Variants in GPHN observed in about 807,000 individuals in gnomAD.
GPHN encodes gephyrin.
In GPHN, 17 loss-of-function variants were observed where a neutral mutation model predicts 95.5. The observed-to-expected ratio is 0.18, with a 90% confidence interval of 0.12 to 0.27. The LOEUF is 0.27. Ranked by LOEUF, GPHN falls within the 10% of genes least tolerant of loss-of-function variation. GPHN has a pLI of 1.00. For missense variants in GPHN, 660 were observed against 978.1 expected (o/e 0.67, Z 4.34); for synonymous variants, 320 against 322.5 (o/e 0.99, Z 0.08).
intron 1 of GPHN, among the ~76,000 whole-genome samples, chr14:66,520,898 CTTCT>C (rs1295041180): frequency 6.6e-6 from 1 of 151,990 alleles, no homozygotes; most frequent in Non-Finnish European, 1.5e-5. Context: ...CTGTCGTTCC[CTTCT>C]TTGTGTCCAT....
intron 12 of GPHN, among the ~76,000 whole-genome samples, chr14:67,097,859 G>A (rs1172592485): frequency 6.6e-6 from 1 of 152,000 alleles, no homozygotes; most frequent in Admixed American, 6.5e-5. Context: ...AAAAGCCAAT[G>A]ATATACACAC....
intron 17 of GPHN, among the ~76,000 whole-genome samples, chr14:67,135,223 G>A (rs2080002007): frequency 6.6e-6 from 1 of 152,040 alleles, no homozygotes; most frequent in Non-Finnish European, 1.5e-5. Context: ...GCCTCCCAAA[G>A]TGCTGGGATT....
At chr14:67,144,874 A>T (rs1445739273) in intron 18 of GPHN, among the ~76,000 whole-genome samples, 1 of 152,212 alleles carries the variant, frequency 6.6e-6, no homozygotes, top group Non-Finnish European at 1.5e-5. Flanking sequence ...GAAGAAAAAA[A>T]TCTCACATTA....
the GPHN span, among the ~76,000 whole-genome samples, chr14:67,659,172 C>G: frequency 2.0e-5 from 3 of 152,236 alleles, no homozygotes; most frequent in African/African-American, 7.2e-5. Context: ...TGCTCACTTT[C>G]TATTACCACA....
At chr14:66,519,353 T>TA (rs1206076689) in intron 1 of GPHN, among the ~76,000 whole-genome samples, 2 of 152,058 alleles carry the variant, frequency 1.3e-5, no homozygotes, top group Non-Finnish European at 2.9e-5. Context: ...ATATATTTGA[T>TA]ATATTTGAAT....
chr14:66,837,110 T>C (rs377196624), intron 4 of GPHN, among the ~76,000 whole-genome samples: 2 of 151,282 alleles, frequency 1.3e-5, no homozygotes, highest in East Asian at 2.0e-4. Context: ...ACCCAAAGGA[T>C]TATAAATCAT....
chr14:67,396,090 A>G, the GPHN span, among the ~76,000 whole-genome samples: 88 of 152,050 alleles, frequency 5.8e-4, 1 homozygote, highest in African/African-American at 2.1e-3. Context: ...CACATTTCTC[A>G]TAGGATATAG....
chr14:67,468,073 A>G, the GPHN span, among the ~76,000 whole-genome samples: 1 of 152,000 alleles, frequency 6.6e-6, no homozygotes, highest in Non-Finnish European at 1.5e-5. Flanking sequence ...TCCTGGGTTC[A>G]AGCGATTGTC....
intron 1 of GPHN, among the ~76,000 whole-genome samples, chr14:66,553,310 G>T (rs2059891069): frequency 1.3e-5 from 2 of 152,036 alleles, no homozygotes; most frequent in Non-Finnish European, 2.9e-5. Flanking sequence ...TTAAAAGTTG[G>T]TGTTTTTCAT....
downstream of GPHN, among the ~76,000 whole-genome samples, chr14:67,183,970 C>G (rs2083355406): frequency 6.6e-6 from 1 of 152,020 alleles, no homozygotes; most frequent in Non-Finnish European, 1.5e-5. Flanking sequence ...CCTTCCATCT[C>G]AGCCTCCTGA....
intron 4 of GPHN, among the ~76,000 whole-genome samples, chr14:66,860,022 G>A (rs898152908): frequency 2.0e-5 from 3 of 152,144 alleles, no homozygotes; most frequent in Non-Finnish European, 2.9e-5. Flanking sequence ...TGGCCTTAAA[G>A]AGGAGGTAAA....
the GPHN span, chr14:67,720,697 C>T: frequency 2.6e-5 from 4 of 152,198 alleles, no homozygotes; most frequent in African/African-American, 7.2e-5. Context: ...CCTACCTGTA[C>T]TTAGTAGTAT....
chr14:67,347,495 G>C, the GPHN span: 1 of 1,373,818 alleles, frequency 7.3e-7, no homozygotes, highest in Non-Finnish European at 9.9e-7. Flanking sequence ...AAACCTTTAA[G>C]TTCTCTCTTT....
chr14:67,319,610 TAAAAAA>T, the GPHN span, among the ~76,000 whole-genome samples: 1 of 128,608 alleles, frequency 7.8e-6, no homozygotes, highest in Non-Finnish European at 1.7e-5. Context: ...GCTGATGAGC[TAAAAAA>T]AAAAAAAAAA....
the GPHN span, among the ~76,000 whole-genome samples, chr14:67,609,142 A>T: frequency 6.6e-6 from 1 of 150,694 alleles, no homozygotes; most frequent in African/African-American, 2.4e-5. Context: ...ATTTTGTATA[A>T]ACTCTGTCTT....
chr14:66,995,513 T>G (rs925969665), intron 9 of GPHN, among the ~76,000 whole-genome samples: 2 of 152,216 alleles, frequency 1.3e-5, no homozygotes, highest in Non-Finnish European at 2.9e-5. Context: ...TGAATGTTAT[T>G]TCATAAGTTC....
At chr14:67,713,265 C>A in the GPHN span, among the ~76,000 whole-genome samples, 1 of 150,818 alleles carries the variant, frequency 6.6e-6, no homozygotes, top group African/African-American at 2.4e-5. Context: ...AACAAACAAA[C>A]AAAAAACAAA....
At chr14:67,507,086 G>C in the GPHN span, among the ~76,000 whole-genome samples, 2 of 152,214 alleles carry the variant, frequency 1.3e-5, no homozygotes, top group Admixed American at 6.5e-5. Flanking sequence ...CGTGGTCCCT[G>C]AGTTCCTGGG....
At chr14:66,538,429 T>C (rs1029207367) in intron 1 of GPHN, among the ~76,000 whole-genome samples, 3 of 151,950 alleles carry the variant, frequency 2.0e-5, no homozygotes, top group African/African-American at 7.2e-5. Flanking sequence ...GTTTTGACTG[T>C]CCCACATGTC....
Sources: gnomAD v4.1 joint callset for allele counts (sites outside exome capture counted in the v4.1 genomes callset) on GRCh38, gnomAD v4.1.1 for gene constraint, MANE v1.5 for transcripts, NCBI Gene and HGNC (gene_info 2026-07-23, HGNC 2026-07-21) for gene names.